The following MYT1L variants were observed in gnomAD, a reference collection of about 807,000 sequenced individuals.
MYT1L encodes the protein myelin transcription factor 1-like protein.
A neutral mutation model predicts 126.7 loss-of-function variants in MYT1L; 12 were observed. The ratio of observed to expected loss-of-function variants is 0.09; its 90% CI spans 0.06 to 0.15. The LOEUF (loss-of-function observed/expected upper bound fraction) is 0.15. MYT1L is among the 10% of genes least tolerant of loss of function. The pLI is 1.00. For synonymous variants in MYT1L, 541 were observed against 604.2 expected (o/e 0.90, Z 1.53); for missense variants, 979 against 1,585.2 (o/e 0.62, Z 6.49).
chr2:2,210,681 T>C (rs1394303430), intron 2 of MYT1L, among the ~76,000 whole-genome samples: 2 of 152,204 alleles, frequency 1.3e-5, no homozygotes, highest in Admixed American at 1.3e-4. Flanking sequence ...AGTTTTGTTC[T>C]TTTTGCTTCA....
At chr2:1,903,622 C>T in intron 13 of MYT1L, among the ~76,000 whole-genome samples, 1 of 152,028 alleles carries the variant, frequency 6.6e-6, no homozygotes, top group East Asian at 1.9e-4. Flanking sequence ...CAATTCCAGT[C>T]CTGAAATTTC....
chr2:1,970,440 C>T (rs1161291467), intron 8 of MYT1L, among the ~76,000 whole-genome samples: 1 of 152,214 alleles, frequency 6.6e-6, no homozygotes, highest in Non-Finnish European at 1.5e-5. Flanking sequence ...GCCCCCATCT[C>T]ACCAGCCATC....
At chr2:1,830,521 G>GA (rs1228152039) in intron 21 of MYT1L, among the ~76,000 whole-genome samples, 1 of 152,110 alleles carries the variant, frequency 6.6e-6, no homozygotes, top group Non-Finnish European at 1.5e-5. Context: ...GGAGATGGAG[G>GA]AAAGGGTGTT....
chr2:1,796,110 G>A (rs993579093), intron 23 of MYT1L, among the ~76,000 whole-genome samples: 2 of 152,216 alleles, frequency 1.3e-5, no homozygotes, highest in East Asian at 1.9e-4. Context: ...GCAGCACCAC[G>A]TGACGCTGTG....
At chr2:2,241,207 T>C (rs1361124370) in intron 2 of MYT1L, among the ~76,000 whole-genome samples, 1 of 152,300 alleles carries the variant, frequency 6.6e-6, no homozygotes, top group African/African-American at 2.4e-5. Context: ...CCATATCCAA[T>C]GCACTAAAAA....
At chr2:2,102,604 A>ATGTG (rs3047992) in intron 3 of MYT1L, among the ~76,000 whole-genome samples, 3,978 of 143,088 alleles carry the variant, frequency 0.028, 82 homozygotes, top group South Asian at 0.063. Context: ...CCTCTTGGGA[A>ATGTG]TGTGTGTGTG....
At chr2:2,297,852 C>G (rs1436503291) in intron 1 of MYT1L, among the ~76,000 whole-genome samples, 1 of 152,172 alleles carries the variant, frequency 6.6e-6, no homozygotes, top group African/African-American at 2.4e-5. Flanking sequence ...CCACTCTGCT[C>G]TCTCCCTCTC....
rs2032072058 is a variant in MYT1L, at chr2:1,791,449, C to A, written c.*418G>T. On this transcript the variant is annotated 3_prime_UTR_variant, in exon 25 of 25. Coordinates refer to ENST00000647738, the MANE Select transcript of MYT1L (RefSeq NM_001303052.2). This position sits in a 1 kb window ranked among gnomAD's most constrained non-coding sequence, Gnocchi z 6.0. ...AGCGGCTGCTCAGCCACAACATGAT[C>A]ATTCAAAGCTGTGGGTCTGTGTGTG... is the stretch of plus-strand genomic sequence containing the variant. 1 of 363,604 alleles carries A rather than the reference C, an allele frequency of 2.8e-6. No individual in the cohort carries two copies. The highest frequency in any genetic ancestry group is 5.4e-6 in the Non-Finnish European group (1 of 185,020). 22.5% of individuals were successfully genotyped at this position (363,604 alleles called of 1,614,324 possible).
Position 2,034,399 on chromosome 2 carries a change from A to C in MYT1L, c.-158+19579T>G, listed in dbSNP as rs1291177253. ...AGAGAGCTCCTAACTTCTCCCCAAC[A>C]ATCTCCACCCTCCAATGCGGGTGCA... On this transcript the variant is annotated intron_variant, in intron 4 of 24. Transcript: ENST00000647738. 2.7e-4 allele frequency among the ~76,000 whole-genome samples: 6 copies of C among 22,254 alleles called. No homozygotes were observed. In the South Asian group the frequency reaches 7.3e-3, roughly 27 times the overall value. The allele number at this position is 22,254 out of a possible 152,430, so 14.6% of individuals were successfully genotyped here.
intron 8 of MYT1L, among the ~76,000 whole-genome samples, chr2:1,955,901 T>A (rs1184869035): frequency 6.6e-6 from 1 of 152,242 alleles, no homozygotes; most frequent in African/African-American, 2.4e-5. Context: ...TAATTGTGCA[T>A]GCTGCCCCAC....
intron 9 of MYT1L, among the ~76,000 whole-genome samples, chr2:1,927,850 TAC>T (rs1313008267): frequency 6.6e-6 from 1 of 152,176 alleles, no homozygotes; most frequent in African/African-American, 2.4e-5. Context: ...GACTTATAAA[TAC>T]AGAAATATGA....
intron 21 of MYT1L, chr2:1,816,288 T>C (rs4645032): frequency 0.6 from 91,019 of 152,638 alleles, 27,503 homozygotes; most frequent in South Asian, 0.73. Context: ...TGAGCTACGC[T>C]GTATGGATTA....
At chr2:1,839,617 AGT>A (rs2041382382) in intron 20 of MYT1L, among the ~76,000 whole-genome samples, 1 of 152,220 alleles carries the variant, frequency 6.6e-6, no homozygotes, top group Non-Finnish European at 1.5e-5. Context: ...TCTGGAACAA[AGT>A]GTATGTGCCT....
intron 1 of MYT1L, among the ~76,000 whole-genome samples, chr2:2,299,059 A>G (rs1364585037): frequency 2.0e-5 from 3 of 152,042 alleles, no homozygotes; most frequent in East Asian, 3.9e-4. Flanking sequence ...TCACCATGTT[A>G]GCCAGGATGG....
chr2:1,818,483 A>C (rs2038029585), intron 21 of MYT1L, among the ~76,000 whole-genome samples: 1 of 152,228 alleles, frequency 6.6e-6, no homozygotes, highest in Non-Finnish European at 1.5e-5. Flanking sequence ...TATGTAATTT[A>C]TATGAGACAC....
Position 1,801,851 on chromosome 2 carries a change from A to T in MYT1L, c.3173-52T>A. 1 of 1,190,708 alleles carries T rather than the reference A, an allele frequency of 8.4e-7. No homozygotes were observed. Among genetic ancestry groups the T allele is most frequent in the Non-Finnish European group, 1.2e-6 (1 of 839,700 alleles). 73.8% of individuals were successfully genotyped at this position (1,190,708 alleles called of 1,614,324 possible). ...AAACTGTTATATACAAAAATATTAGAGTTAGAATTTTGGGAGCTTTCTTTG... is the reference window on the plus strand; with the variant it reads ...AAACTGTTATATACAAAAATATTAGTGTTAGAATTTTGGGAGCTTTCTTTG... On this transcript the variant is annotated intron_variant, in intron 22 of 24. Transcript: ENST00000647738. This position sits in a 1 kb window ranked among gnomAD's most constrained non-coding sequence, Gnocchi z 4.2.
At chr2:1,847,543 G>T (rs1244295815) in intron 19 of MYT1L, among the ~76,000 whole-genome samples, 1 of 152,188 alleles carries the variant, frequency 6.6e-6, no homozygotes. Context: ...GAGACTACAG[G>T]TGAAGGAGAA....
At chr2:2,136,488 G>A (rs968671410) in intron 3 of MYT1L, among the ~76,000 whole-genome samples, 1 of 152,142 alleles carries the variant, frequency 6.6e-6, no homozygotes, top group African/African-American at 2.4e-5. Flanking sequence ...AGATATGAGA[G>A]ATTATTTCTC....
chr2:2,030,930 G>A (rs947854828), intron 4 of MYT1L, among the ~76,000 whole-genome samples: 1 of 152,098 alleles, frequency 6.6e-6, no homozygotes, highest in African/African-American at 2.4e-5. Context: ...AATAAAGTCC[G>A]TATTAAATTT....
Sources: allele counts gnomAD v4.1 joint callset (sites outside exome capture counted in the v4.1 genomes callset), GRCh38; gene constraint gnomAD v4.1.1; non-coding constraint Gnocchi (gnomAD v3.1); transcripts MANE v1.5; gene names NCBI Gene and HGNC (gene_info 2026-07-23, HGNC 2026-07-21).